Variants in ZNF490 observed in about 807,000 individuals in gnomAD.
ZNF490 encodes zinc finger protein 490.
ZNF490 carries 11 observed loss-of-function variants against 17.7 expected under a neutral mutation model. The observed-to-expected ratio is 0.62, with a 90% CI of 0.39 to 1.03. ZNF490 has a LOEUF of 1.03. Ranked by LOEUF, ZNF490 falls within the 50% of genes least tolerant of loss-of-function variation. The probability of loss-of-function intolerance (pLI) is 0.00; values close to 1 mark genes in which losing one functional copy is unlikely to be tolerated. For missense variants in ZNF490, 542 were observed against 643.4 expected, an observed-to-expected ratio of 0.84 and a Z score of 1.71; for synonymous variants, 222 against 216.1, an observed-to-expected ratio of 1.03 and a Z score of -0.24.
At chr19:12,607,181 TA>T (rs2023078321) in intron 2 of ZNF490, among the ~76,000 whole-genome samples, 1 of 151,442 alleles carries the variant, frequency 6.6e-6, no homozygotes, top group Non-Finnish European at 1.5e-5. Context: ...CTCTAAAATT[TA>T]AAAAATTTAA....
chr19:12,581,679 T>A lies in ZNF490; in HGVS notation c.396A>T (p.Pro132=), dbSNP rs1487317207. The change falls in exon 5 of 5, where the codon CCA becomes CCT. Residue 132 remains proline, a synonymous_variant. Coordinates refer to ENST00000311437, the MANE Select transcript of ZNF490 (RefSeq NM_020714.3). ...EALCENKEDC[P]CGKSTSQIPD... is the part of the protein sequence containing the mutation. ...GAATCTGGCTAGTGCTTTTTCCACA[T>A]GGACAATCTTCTTTATTTTCACAGA... 1 of 1,613,900 alleles carries A rather than the reference T, an allele frequency of 6.2e-7. No homozygotes were observed. The highest frequency in any genetic ancestry group is 2.2e-5 in the East Asian group (1 of 44,884).
chr19:12,588,467 T>C lies in ZNF490; in HGVS notation c.163-4911A>G, dbSNP rs138709775. Reference sequence around the variant, plus strand: ...TGTACATAACCACAGAGTGGCAAAATATATGAGGGGAAAACTAATACAACT... The same window carrying C: ...TGTACATAACCACAGAGTGGCAAAACATATGAGGGGAAAACTAATACAACT... On this transcript the variant is annotated intron_variant, in intron 2 of 4. Transcript: ENST00000311437. Among the ~76,000 whole-genome samples, 42 of 152,102 alleles carry C rather than the reference T, an allele frequency of 2.8e-4. No individual in the cohort carries two copies. In the East Asian group the frequency reaches 3.3e-3, roughly 12 times the overall value.
chr19:12,608,862 A>T (rs2023104960), intron 2 of ZNF490, among the ~76,000 whole-genome samples: 1 of 151,906 alleles, frequency 6.6e-6, no homozygotes, highest in Non-Finnish European at 1.5e-5. Context: ...CTCCTACCTC[A>T]GTCTCCCAAA....
intron 2 of ZNF490, among the ~76,000 whole-genome samples, chr19:12,606,301 C>CAA (rs2023068323): frequency 6.7e-6 from 1 of 150,362 alleles, no homozygotes; most frequent in Non-Finnish European, 1.5e-5. Context: ...CAAGGGATCT[C>CAA]TGCTATGGGA....
chr19:12,602,074 C>CTA (rs145824680), intron 2 of ZNF490, among the ~76,000 whole-genome samples: 66,943 of 130,618 alleles, frequency 0.51, 18,189 homozygotes, highest in Non-Finnish European at 0.63. Flanking sequence ...ACTCAGTTCA[C>CTA]TATATACACA....
At chr19:12,607,394 C>T (rs1004219756) in intron 2 of ZNF490, among the ~76,000 whole-genome samples, 4 of 151,864 alleles carry the variant, frequency 2.6e-5, no homozygotes, top group African/African-American at 4.8e-5. Flanking sequence ...AGCGTGGTGG[C>T]GCACACCTAG....
chr19:12,584,012 G>A (rs1697352824), intron 2 of ZNF490, among the ~76,000 whole-genome samples: 2 of 149,796 alleles, frequency 1.3e-5, no homozygotes, highest in Admixed American at 6.7e-5. Context: ...GAGTTTCACC[G>A]TGTTAGCCAA....
chr19:12,577,237 A>G lies in ZNF490; in HGVS notation c.*3248T>C, dbSNP rs2022654340. On this transcript the variant is annotated 3_prime_UTR_variant, in exon 5 of 5. Transcript: ENST00000311437. The stretch of plus-strand genomic sequence containing the variant: ...AGACACATACACAAAAGGGTTTTAC[A>G]AAAACATCATCATAGACCCACATAT... Among the ~76,000 whole-genome samples the G allele has an allele frequency of 6.6e-6, 1 of 152,206 alleles. No individual in the cohort carries two copies. The highest frequency in any genetic ancestry group is 2.1e-4 in the South Asian group (1 of 4,832).
chr19:12,606,391 C>T (rs2023069953), intron 2 of ZNF490, among the ~76,000 whole-genome samples: 1 of 148,674 alleles, frequency 6.7e-6, no homozygotes, highest in Non-Finnish European at 1.5e-5. Flanking sequence ...GTTGCCCAGG[C>T]TAGAGTGCAG....
In ZNF490 at chr19:12,581,118, C is replaced by A; in HGVS notation, c.957G>T (p.Thr319=). ...GAGTTTTCTCATGACTCCGTAAGTACGTGGGACAACTGAAGGCTTTCCCAC... is the reference window on the plus strand; with the variant it reads ...GAGTTTTCTCATGACTCCGTAAGTAAGTGGGACAACTGAAGGCTTTCCCAC... ...KQCGKAFSCP[T]YLRSHEKTHT... The change falls in exon 5 of 5, where the codon ACG becomes ACT. Residue 319 remains threonine, a synonymous_variant. Transcript: ENST00000311437. 6.2e-7 allele frequency: 1 copy of A among 1,613,954 alleles called. No homozygotes were observed. Among genetic ancestry groups the A allele is most frequent in the Admixed American group, 1.7e-5 (1 of 59,986 alleles).
chr19:12,589,560 T>C (rs1339390221), intron 2 of ZNF490, among the ~76,000 whole-genome samples: 3 of 133,578 alleles, frequency 2.2e-5, no homozygotes, highest in Admixed American at 8.1e-5. Context: ...AGGGAATTTC[T>C]TCTTCTTCTT....
intron 2 of ZNF490, among the ~76,000 whole-genome samples, chr19:12,585,607 G>A (rs1599306788): frequency 1.1e-5 from 1 of 92,818 alleles, no homozygotes; most frequent in African/African-American, 3.2e-5. Flanking sequence ...ATCATGGCTC[G>A]GGGCACAGGC....
At chr19:12,581,916 A>T (rs1025668833) in intron 4 of ZNF490, among the ~76,000 whole-genome samples, 192 bp from the exon 5 acceptor site, 10 of 148,932 alleles carry the variant, frequency 6.7e-5, no homozygotes, top group East Asian at 1.9e-4. Flanking sequence ...CAAAATAGTT[A>T]AAAAAAAATT....
rs1417956744 is a variant in ZNF490 at position 12,578,799 on chromosome 19, G to A, written c.*1686C>T. On this transcript the variant is annotated 3_prime_UTR_variant, in exon 5 of 5. Transcript: ENST00000311437. ...GAGGGTGTTTCCTAACTTCTGACTG[G>A]ATGCCACAAAAGGCCTGCTGGGGCC... The A allele has an allele frequency of 2.0e-6, 2 of 985,316 alleles. No homozygotes were observed. Among genetic ancestry groups the A allele is most frequent in the Non-Finnish European group, 2.4e-6 (2 of 829,962 alleles). The allele number at this position is 985,316 out of a possible 1,614,324, so 61.0% of individuals were successfully genotyped here. A position where few individuals can be genotyped will look rare whatever the true frequency, so the allele number is the denominator to read the frequency against.
At chr19:12,592,059 T>C (rs1225321769) in intron 2 of ZNF490, among the ~76,000 whole-genome samples, 2 of 152,138 alleles carry the variant, frequency 1.3e-5, no homozygotes, top group Non-Finnish European at 2.9e-5. Context: ...AGGTATCAGC[T>C]GGGCGCGGTG....
chr19:12,605,475 T>C (rs1599314216), intron 2 of ZNF490, among the ~76,000 whole-genome samples: 2 of 120,130 alleles, frequency 1.7e-5, no homozygotes, highest in East Asian at 4.0e-4. Context: ...AGTGAAACCC[T>C]GCTCTATTAA....
chr19:12,584,207 A>C (rs2022787087), intron 2 of ZNF490, among the ~76,000 whole-genome samples: 1 of 89,502 alleles, frequency 1.1e-5, no homozygotes, highest in South Asian at 2.9e-4. Flanking sequence ...CTCAGGCTGG[A>C]GTGCAATGGT....
rs2023029633 is a variant in ZNF490, at chr19:12,603,392, TGGGA to T, written c.162+5762_162+5765del. ...GTCTCAGCTACTTGAGAGGTTGAGG[TGGGA>T]GGGTCACCTGAGCTCAGGGAAGTCA... On this transcript the variant is annotated intron_variant, in intron 2 of 4. Transcript: ENST00000311437. 2.6e-5 allele frequency among the ~76,000 whole-genome samples: 4 copies of T among 151,522 alleles called. 1 individual carries two copies. The highest frequency in any genetic ancestry group is 2.0e-4 in the Admixed American group (3 of 15,156).
At chr19:12,607,924 G>A (rs1368354859) in intron 2 of ZNF490, among the ~76,000 whole-genome samples, 3 of 152,090 alleles carry the variant, frequency 2.0e-5, no homozygotes, top group Non-Finnish European at 4.4e-5. Context: ...AAAATGTCAG[G>A]CAAGTTCCTG....
Sources: allele counts gnomAD v4.1 joint callset (sites outside exome capture counted in the v4.1 genomes callset), GRCh38; gene constraint gnomAD v4.1.1; transcripts MANE v1.5; gene names NCBI Gene and HGNC (gene_info 2026-07-23, HGNC 2026-07-21).